PCDHA10: variants seen among roughly 807,000 people sequenced by gnomAD.
PCDHA10 encodes protocadherin alpha 10, also known as protocadherin alpha-10.
A neutral mutation model predicts 61.2 loss-of-function variants in PCDHA10; 45 were observed. That is an observed-to-expected ratio of 0.74 (90% CI 0.58 to 0.94). The LOEUF is 0.94. Ranked by LOEUF, PCDHA10 falls within the 40% of genes least tolerant of loss-of-function variation. The pLI is 0.00. For missense variants in PCDHA10, 1,278 were observed against 1,236.2 expected (o/e 1.03, Z -0.51); for synonymous variants, 602 against 548.8 (o/e 1.10, Z -1.35).
chr5:140,968,063 G>A, intron 1 of PCDHA10: 1 of 1,614,096 alleles, frequency 6.2e-7, no homozygotes. Flanking sequence ...AGAGCGGGTG[G>A]CTGTCTACAA....
chr5:140,940,510 G>T (rs1477590604), intron 1 of PCDHA10, among the ~76,000 whole-genome samples: 1 of 151,778 alleles, frequency 6.6e-6, no homozygotes, highest in Non-Finnish European at 1.5e-5. Context: ...TCGCTCAGGC[G>T]TGATCATAGC....
chr5:140,882,853 A>G lies in PCDHA10; in HGVS notation c.2388+24417A>G, dbSNP rs782160647. On this transcript the variant is annotated intron_variant, in intron 1 of 3. Transcript: ENST00000307360. ...AGCAAATGTCTTCATTATCACTTGTACTGAGGAAAACACTGGACAGAGAGG... is the reference window on the plus strand; with the variant it reads ...AGCAAATGTCTTCATTATCACTTGTGCTGAGGAAAACACTGGACAGAGAGG... 1.9e-6 allele frequency: 3 copies of G among 1,614,218 alleles called. No individual in the cohort carries two copies. The Admixed American group carries it at 5.0e-5, about 27-fold the overall frequency.
At chr5:140,871,809 A>G (rs1489306606) in intron 1 of PCDHA10, among the ~76,000 whole-genome samples, 1 of 152,260 alleles carries the variant, frequency 6.6e-6, no homozygotes. Flanking sequence ...TATTTTCACT[A>G]AAGTACCCAT....
At chr5:140,937,568 G>T (rs1342447969) in intron 1 of PCDHA10, among the ~76,000 whole-genome samples, 1 of 151,920 alleles carries the variant, frequency 6.6e-6, no homozygotes, top group East Asian at 1.9e-4. Context: ...AGTGAGCTGG[G>T]ATCGCGTCAC....
chr5:140,869,476 G>C (rs530490517), intron 1 of PCDHA10: 71 of 1,614,076 alleles, frequency 4.4e-5, no homozygotes, highest in Non-Finnish European at 5.9e-5. Context: ...GGAGGTGAAG[G>C]ACATTAACGA....
chr5:140,907,517 G>A (rs1174112923), intron 1 of PCDHA10, among the ~76,000 whole-genome samples: 3 of 152,192 alleles, frequency 2.0e-5, no homozygotes, highest in Non-Finnish European at 4.4e-5. Flanking sequence ...TTCCAGTGAG[G>A]ACAAATCGCT....
At chr5:140,902,331 C>A (rs1271812504) in intron 1 of PCDHA10, among the ~76,000 whole-genome samples, 1 of 151,712 alleles carries the variant, frequency 6.6e-6, no homozygotes, top group African/African-American at 2.4e-5. Flanking sequence ...ACTCACTTCG[C>A]CTGGCCTAGG....
intron 1 of PCDHA10, among the ~76,000 whole-genome samples, chr5:140,947,906 A>G (rs2153681662): frequency 6.6e-6 from 1 of 151,710 alleles, no homozygotes; most frequent in South Asian, 2.1e-4. Flanking sequence ...GTGAGAGCAG[A>G]CATTCTTGCC....
At chr5:141,000,421 ATTT>A (rs34755515) in intron 3 of PCDHA10, among the ~76,000 whole-genome samples, 361 of 27,888 alleles carry the variant, frequency 0.013, no homozygotes, top group East Asian at 0.018. Context: ...ATATATATAT[ATTT>A]TTTTTTTTTT....
At chr5:140,954,287 TG>T (rs1353316805) in intron 1 of PCDHA10, among the ~76,000 whole-genome samples, 1 of 152,248 alleles carries the variant, frequency 6.6e-6, no homozygotes, top group Non-Finnish European at 1.5e-5. Flanking sequence ...TATATTCCTT[TG>T]GGTACATACC....
intron 1 of PCDHA10, chr5:140,862,540 G>A: frequency 4.5e-6 from 2 of 444,274 alleles, no homozygotes; most frequent in South Asian, 3.5e-5. Flanking sequence ...TCGGGTCCGT[G>A]GAAGTGGCCG....
At chr5:140,893,951 T>TTA (rs2064251628) in intron 1 of PCDHA10, among the ~76,000 whole-genome samples, 1 of 152,184 alleles carries the variant, frequency 6.6e-6, no homozygotes, top group Admixed American at 6.5e-5. Context: ...CTGCATGACT[T>TTA]TATTAGTCAT....
At chr5:140,913,523 T>G (rs2076374733) in intron 1 of PCDHA10, among the ~76,000 whole-genome samples, 2 of 152,156 alleles carry the variant, frequency 1.3e-5, no homozygotes, top group Admixed American at 6.5e-5. Context: ...TATTTATCTT[T>G]TCAAAAGATT....
chr5:140,873,989 T>C (rs1264143469), intron 1 of PCDHA10, among the ~76,000 whole-genome samples: 3 of 152,222 alleles, frequency 2.0e-5, no homozygotes, highest in African/African-American at 7.2e-5. Context: ...TTCCTTAGCA[T>C]GTATGGTACA....
intron 1 of PCDHA10, among the ~76,000 whole-genome samples, chr5:140,959,410 T>C (rs564453268): frequency 6.6e-5 from 10 of 152,300 alleles, no homozygotes; most frequent in Non-Finnish European, 1.3e-4. Flanking sequence ...AAGTGTTGAT[T>C]GATCTGAGAA....
Position 140,857,196 on chromosome 5 carries a change from A to G in PCDHA10, c.1148A>G (p.Gln383Arg). The G allele has an allele frequency of 6.3e-7, 1 of 1,598,586 alleles. No individual in the cohort carries two copies. The highest frequency in any genetic ancestry group is 8.6e-7 in the Non-Finnish European group (1 of 1,167,936). Residue 383 changes from glutamine to arginine, a missense_variant, in exon 1 of 4, where the codon CAG becomes CGG. Coordinates refer to ENST00000307360, the MANE Select transcript of PCDHA10 (RefSeq NM_018901.4). Reference protein sequence around the residue: ...VSDHDSGANGQVTCSLTPHVP... With the variant: ...VSDHDSGANGRVTCSLTPHVP... ...GACCATGATTCAGGAGCCAACGGAC[A>G]GGTCACCTGCTCTCTGACGCCTCAC...
intron 1 of PCDHA10, among the ~76,000 whole-genome samples, chr5:140,954,779 G>T (rs2095086497): frequency 6.6e-6 from 1 of 152,108 alleles, no homozygotes; most frequent in Non-Finnish European, 1.5e-5. Flanking sequence ...AATTTAATTA[G>T]ATCTCATTTG....
At chr5:140,955,065 T>C (rs1258214145) in intron 1 of PCDHA10, among the ~76,000 whole-genome samples, 8 of 152,214 alleles carry the variant, frequency 5.3e-5, no homozygotes, top group Admixed American at 3.3e-4. Context: ...GTCAGGTTTG[T>C]TGAAGATCAG....
intron 1 of PCDHA10, chr5:140,865,401 G>A (rs1011488006): frequency 6.6e-6 from 1 of 152,158 alleles, no homozygotes; most frequent in Non-Finnish European, 1.5e-5. Flanking sequence ...TATAAATGCT[G>A]AAAAGGAATT....
Sources: gnomAD v4.1 joint callset for allele counts (sites outside exome capture counted in the v4.1 genomes callset) on GRCh38, gnomAD v4.1.1 for gene constraint, MANE v1.5 for transcripts, NCBI Gene and HGNC (gene_info 2026-07-23, HGNC 2026-07-21) for gene names.